The following NSRP1 variants were observed in gnomAD, a reference collection of about 807,000 sequenced individuals.
NSRP1 encodes the protein nuclear speckle splicing regulatory protein 1, also known as coiled-coil domain containing 55.
In NSRP1, 24 loss-of-function variants were observed where a neutral mutation model predicts 54.7. That is an observed-to-expected ratio of 0.44 (90% CI 0.32 to 0.62). The LOEUF (loss-of-function observed/expected upper bound fraction) is 0.62. NSRP1 is among the 20% of genes least tolerant of loss of function. NSRP1 has a pLI of 0.06. For synonymous variants in NSRP1, 210 were observed against 213.8 expected (o/e 0.98, Z 0.15); for missense variants, 596 against 651.2 (o/e 0.92, Z 0.92).
At chr17:30,172,931 A>C (rs1284438980) in intron 3 of NSRP1, among the ~76,000 whole-genome samples, 2 of 151,920 alleles carry the variant, frequency 1.3e-5, no homozygotes, top group African/African-American at 4.8e-5. Flanking sequence ...AGAATATCAG[A>C]GATAGATACA....
intron 2 of NSRP1, among the ~76,000 whole-genome samples, chr17:30,147,111 T>TTTTTCTTTTTC (rs2071862684): frequency 6.8e-6 from 1 of 148,094 alleles, no homozygotes; most frequent in Admixed American, 7.0e-5. Flanking sequence ...GTATATAGAC[T>TTTTTCTTTTTC]TTTTCTTTTT....
chr17:30,169,573 A>G (rs1463371636), intron 2 of NSRP1, among the ~76,000 whole-genome samples: 1 of 152,130 alleles, frequency 6.6e-6, no homozygotes, highest in Non-Finnish European at 1.5e-5. Flanking sequence ...TGAAAGTTTC[A>G]TATTACATGT....
At chr17:30,165,430 G>T (rs573479091) in intron 2 of NSRP1, among the ~76,000 whole-genome samples, 1 of 152,310 alleles carries the variant, frequency 6.6e-6, no homozygotes, top group Non-Finnish European at 1.5e-5. Context: ...GAGAGGTTAG[G>T]TAAAGGGTAC....
At chr17:30,132,649 A>G (rs1365072704) in intron 2 of NSRP1, among the ~76,000 whole-genome samples, 2 of 152,210 alleles carry the variant, frequency 1.3e-5, no homozygotes, top group Non-Finnish European at 2.9e-5. Context: ...AAGTTTTATC[A>G]TGAGCAGTTC....
chr17:30,123,759 A>G (rs2071625239), intron 2 of NSRP1, among the ~76,000 whole-genome samples: 1 of 151,986 alleles, frequency 6.6e-6, no homozygotes, highest in Non-Finnish European at 1.5e-5. Flanking sequence ...GAGGGGGTTC[A>G]ACTTCATTCA....
intron 4 of NSRP1, 121 bp from the exon 5 acceptor site, chr17:30,178,969 T>A: frequency 7.4e-6 from 4 of 540,020 alleles, no homozygotes; most frequent in Non-Finnish European, 1.2e-5. Flanking sequence ...TTATATTGAA[T>A]GTAGGGAAGA....
Position 30,116,832 on chromosome 17 carries a change from C to T in NSRP1, c.-12C>T, listed in dbSNP as rs1219915654. The T allele has an allele frequency of 1.9e-6, 3 of 1,573,220 alleles. No individual in the cohort carries two copies. Among genetic ancestry groups the T allele is most frequent in the East Asian group, 2.3e-5 (1 of 42,924 alleles). On this transcript the variant is annotated 5_prime_UTR_variant, in exon 1 of 7. Coordinates refer to ENST00000247026, the MANE Select transcript of NSRP1 (RefSeq NM_032141.4). The stretch of plus-strand genomic sequence containing the variant: ...GGAGGCGTCGGCCACGTTCAGCGGA[C>T]ACGGGAGCAAGATGGCGATTCCGGG...
chr17:30,130,902 AT>A (rs1379643788), intron 2 of NSRP1, among the ~76,000 whole-genome samples: 1 of 152,176 alleles, frequency 6.6e-6, no homozygotes, highest in Non-Finnish European at 1.5e-5. Flanking sequence ...GCATTTATTA[AT>A]GCATTCAACA....
chr17:30,142,325 A>T (rs1162752614), intron 2 of NSRP1, among the ~76,000 whole-genome samples: 1 of 151,946 alleles, frequency 6.6e-6, no homozygotes, highest in African/African-American at 2.4e-5. Context: ...AATGTATTTT[A>T]TTTTTTTAGA....
intron 2 of NSRP1, among the ~76,000 whole-genome samples, chr17:30,133,107 CTAT>C (rs1178458062): frequency 2.1e-4 from 27 of 128,414 alleles, no homozygotes; most frequent in African/African-American, 8.0e-4. Flanking sequence ...CCACACCCAG[CTAT>C]TTTTTTTTTT....
At chr17:30,138,910 T>TTTG (rs1555578483) in intron 2 of NSRP1, among the ~76,000 whole-genome samples, 3 of 59,776 alleles carry the variant, frequency 5.0e-5, no homozygotes, top group African/African-American at 1.3e-4. Context: ...AGTCTTAGCG[T>TTTG]TTTTTTTTTT....
intron 2 of NSRP1, among the ~76,000 whole-genome samples, chr17:30,153,295 A>G (rs930573703): frequency 3.3e-5 from 5 of 152,114 alleles, no homozygotes; most frequent in South Asian, 2.1e-4. Context: ...TAAAAATCCA[A>G]TCCCAGAGTT....
intron 1 of NSRP1, chr17:30,117,117 T>G (rs1410439654): frequency 2.7e-6 from 2 of 751,882 alleles, no homozygotes; most frequent in Non-Finnish European, 5.0e-6. Flanking sequence ...AGCGAGACTT[T>G]TCTATTTTCC....
At chr17:30,156,876 C>A (rs1306967591) in intron 2 of NSRP1, among the ~76,000 whole-genome samples, 1 of 152,056 alleles carries the variant, frequency 6.6e-6, no homozygotes, top group Non-Finnish European at 1.5e-5. Context: ...GCCACATTTT[C>A]TTTGTCAATT....
chr17:30,180,930 G>A lies in NSRP1; in HGVS notation c.531G>A (p.Gln177=). The A allele has an allele frequency of 1.2e-6, 2 of 1,613,010 alleles. No homozygotes were observed. Among genetic ancestry groups the A allele is most frequent in the Non-Finnish European group, 1.7e-6 (2 of 1,179,288 alleles). ...TAGCATGTTTGGATGTAACCAAGCA[G>A]AAAGATCTCAGTGGATTTTATAGGC... ...ALEACLDVTK[Q]KDLSGFYRHL... The change falls in exon 6 of 7, where the codon CAG becomes CAA. Residue 177 remains glutamine (Q), a synonymous_variant. Coordinates refer to ENST00000247026, the MANE Select transcript of NSRP1 (RefSeq NM_032141.4).
At position 30,151,259 on chromosome 17, in the gene NSRP1, C is replaced by G. The variant is rs372087161; in HGVS notation, c.115-21283C>G. Among the ~76,000 whole-genome samples the G allele has an allele frequency of 9.9e-5, 15 of 152,232 alleles. No individual in the cohort carries two copies. In the East Asian group the frequency reaches 2.7e-3, roughly 27 times the overall value. On this transcript the variant is annotated intron_variant, in intron 2 of 6. Transcript: ENST00000247026. Reference sequence around the variant, plus strand: ...TCTTTATGGGCTGCAAGTTCCATAACAGATACATGATTGCAAATACAGTTG... The same window carrying G: ...TCTTTATGGGCTGCAAGTTCCATAAGAGATACATGATTGCAAATACAGTTG...
chr17:30,183,504 G>A (rs982231335), intron 6 of NSRP1, among the ~76,000 whole-genome samples: 8 of 152,154 alleles, frequency 5.3e-5, no homozygotes, highest in East Asian at 3.8e-4. Context: ...CTGTAATGTC[G>A]TTGACATAGT....
intron 6 of NSRP1, among the ~76,000 whole-genome samples, chr17:30,183,231 A>AAAG (rs35687485): frequency 6.6e-6 from 1 of 150,852 alleles, no homozygotes. Context: ...AAAAAAAAAA[A>AAAG]TTTTTTTTAA....
chr17:30,172,029 A>C (rs1904969612), intron 2 of NSRP1, among the ~76,000 whole-genome samples: 1 of 102,912 alleles, frequency 9.7e-6, no homozygotes, highest in Non-Finnish European at 2.2e-5. Flanking sequence ...TGTTCACATG[A>C]AGCAAATTGA....
Sources: gnomAD v4.1 joint callset for allele counts (sites outside exome capture counted in the v4.1 genomes callset) on GRCh38, gnomAD v4.1.1 for gene constraint, MANE v1.5 for transcripts, NCBI Gene and HGNC (gene_info 2026-07-23, HGNC 2026-07-21) for gene names.